Variants in RIPPLY2 observed in about 807,000 individuals in gnomAD.
The protein encoded by RIPPLY2 is ripply transcriptional repressor 2, also known as protein ripply2.
A neutral mutation model predicts 17.7 loss-of-function variants in RIPPLY2; 20 were observed. That is an observed-to-expected ratio of 1.13 (90% CI 0.79 to 1.64). The LOEUF is 1.64. Among genes scored for constraint, RIPPLY2 ranks in the 40% most tolerant of loss-of-function variants. The pLI, the probability that RIPPLY2 is intolerant of heterozygous loss-of-function variation, is 0.00. For missense variants in RIPPLY2, 213 were observed against 169.8 expected (o/e 1.25, Z -1.41); for synonymous variants, 69 against 63.9 (o/e 1.08, Z -0.38).
chr6:83,857,125 C>A, intron 3 of RIPPLY2, 117 bp from the exon 4 acceptor site: 1 of 582,328 alleles, frequency 1.7e-6, no homozygotes. Context: ...TATCTTAAGG[C>A]TATATCCAAA....
chr6:83,854,252 T>C, intron 3 of RIPPLY2, 91 bp downstream of exon 3: 1 of 1,008,868 alleles, frequency 9.9e-7, no homozygotes, highest in Non-Finnish European at 1.6e-6. Context: ...CAGCTGGTCC[T>C]GCAGTCTCTC....
At chr6:83,854,025 A>G (rs2129124822) in intron 2 of RIPPLY2, 72 bp from the exon 3 acceptor site, 2 of 1,407,242 alleles carry the variant, frequency 1.4e-6, no homozygotes, top group South Asian at 1.2e-5. Flanking sequence ...CACGAGGAAC[A>G]CTGGGTCGTG....
chr6:83,854,844 C>G (rs920926436), intron 3 of RIPPLY2: 1 of 152,294 alleles, frequency 6.6e-6, no homozygotes, highest in African/African-American at 2.4e-5. Context: ...ACATAGAAGT[C>G]ATTACATCTA....
chr6:83,853,865 A>G, intron 2 of RIPPLY2, 92 bp downstream of exon 2: 1 of 1,203,592 alleles, frequency 8.3e-7, no homozygotes, highest in Non-Finnish European at 1.2e-6. Flanking sequence ...GAGACATGCG[A>G]GACACCGGGT....
At chr6:83,853,948 C>G (rs2099454599) in intron 2 of RIPPLY2, 149 bp from the exon 3 acceptor site, 4 of 993,774 alleles carry the variant, frequency 4.0e-6, no homozygotes, top group Admixed American at 2.0e-5. Context: ...TCCTCTGGAG[C>G]GATGGGCCAC....
At position 83,857,286 on chromosome 6, in the gene RIPPLY2, A is replaced by G; in HGVS notation, c.284A>G (p.Glu95Gly). 1 of 1,553,420 alleles carries G rather than the reference A, an allele frequency of 6.4e-7. No individual in the cohort carries two copies. Among genetic ancestry groups the G allele is most frequent in the South Asian group, 1.2e-5 (1 of 80,528 alleles). ...AAATGTTATGATTACTTATATCAAG[A>G]AGCAGAAGCTCTTCTGAAAAATTTT... ...KSKCYDYLYQEAEALLKNFPI... is the reference protein window; with the variant it reads ...KSKCYDYLYQGAEALLKNFPI... The change falls in exon 4 of 4, where the codon GAA becomes GGA. Residue 95 changes from glutamate (E) to glycine (G), a missense_variant. By Grantham distance (98) the Glu-to-Gly change is moderately conservative (BLOSUM62 -2). Coordinates refer to ENST00000369689, the MANE Select transcript of RIPPLY2 (RefSeq NM_001009994.3).
chr6:83,854,874 C>T (rs561594653), intron 3 of RIPPLY2: 75 of 152,302 alleles, frequency 4.9e-4, no homozygotes, highest in Non-Finnish European at 3.7e-4. Context: ...CGTGTGCTAG[C>T]ACTGGTGAAG....
rs761994019 is a variant in RIPPLY2 at position 83,853,780 on chromosome 6, G to T, written c.174+7G>T. 1.2e-6 allele frequency: 2 copies of T among 1,610,448 alleles called. No individual in the cohort carries two copies. The highest frequency in any genetic ancestry group is 2.2e-5 in the South Asian group (2 of 90,650). Reference sequence around the variant, plus strand: ...GAACCACGCCGCGGAGGCGGTGAGTGAGCCACGCGTCTCAGGCCGCGCCTC... The same window carrying T: ...GAACCACGCCGCGGAGGCGGTGAGTTAGCCACGCGTCTCAGGCCGCGCCTC... On this transcript the variant is annotated splice_region_variant and intron_variant, in intron 2 of 3. Transcript: ENST00000369689.
rs187745020 is a variant in RIPPLY2 at position 83,854,083 on chromosome 6, C to G, written c.175-14C>G. The G allele has an allele frequency of 2.5e-6, 4 of 1,612,976 alleles. No homozygotes were observed. The highest frequency in any genetic ancestry group is 3.3e-5 in the Admixed American group (2 of 60,026). On this transcript the variant is annotated splice_polypyrimidine_tract_variant and intron_variant, in intron 2 of 3. Coordinates refer to ENST00000369689, the MANE Select transcript of RIPPLY2 (RefSeq NM_001009994.3). Reference sequence around the variant, plus strand: ...AGGTGGGTGATAACTGGATTCACTTCCTTTCCTCTCCAGATGCCCGATGGC... The same window carrying G: ...AGGTGGGTGATAACTGGATTCACTTGCTTTCCTCTCCAGATGCCCGATGGC...
rs1209764755 is a variant in RIPPLY2 at position 83,854,548 on chromosome 6, GA to G, written c.239+389del. 1.0e-4 allele frequency: 22 copies of G among 212,492 alleles called. No homozygotes were observed. In the Middle Eastern group the frequency reaches 5.9e-3, roughly 57 times the overall value. The allele number at this position is 212,492 out of a possible 1,614,324, so 13.2% of individuals were successfully genotyped here. On this transcript the variant is annotated intron_variant, in intron 3 of 3. Coordinates refer to ENST00000369689, the MANE Select transcript of RIPPLY2 (RefSeq NM_001009994.3). The stretch of plus-strand genomic sequence containing the variant: ...CTTTTGTCTTGCAATCTGGAAGGAA[GA>G]ATGGGATTAACAGTTACAGTCTTAC...
chr6:83,854,009 A>C (rs1041420510), intron 2 of RIPPLY2, 88 bp from the exon 3 acceptor site: 2 of 1,321,030 alleles, frequency 1.5e-6, no homozygotes, highest in Non-Finnish European at 2.2e-6. Context: ...TTACATTCCC[A>C]GCGGGCACGA....
Position 83,853,689 on chromosome 6 carries a change from C to A in RIPPLY2, c.96-6C>A. On this transcript the variant is annotated splice_region_variant and splice_polypyrimidine_tract_variant and intron_variant, in intron 1 of 3. Transcript: ENST00000369689. ...TCTGCGCGCCTTGTGCTCCCCTATC[C>A]CGCAGATACGCAGGCTTCTGGAGAC... 6.2e-7 allele frequency: 1 copy of A among 1,613,428 alleles called. No individual in the cohort carries two copies. The highest frequency in any genetic ancestry group is 8.5e-7 in the Non-Finnish European group (1 of 1,179,748).
chr6:83,854,697 G>A (rs2099454735), intron 3 of RIPPLY2: 1 of 154,024 alleles, frequency 6.5e-6, no homozygotes, highest in Non-Finnish European at 1.4e-5. Context: ...CTAGTCACAG[G>A]AAGTCAGCCT....
chr6:83,857,476 ATTTG>A lies in RIPPLY2; in HGVS notation c.*89_*92del. The A allele has an allele frequency of 1.1e-5, 8 of 751,626 alleles. No homozygotes were observed. The highest frequency in any genetic ancestry group is 1.5e-5 in the Non-Finnish European group (8 of 531,974). 46.6% of individuals were successfully genotyped at this position (751,626 alleles called of 1,614,324 possible). Reference sequence around the variant, plus strand: ...TATCATAATTATTTTAAACTAATTTATTTGTATATAAATTATTAATAAAATGAAA... The same window carrying A: ...TATCATAATTATTTTAAACTAATTTATATATAAATTATTAATAAAATGAAA... On this transcript the variant is annotated 3_prime_UTR_variant, in exon 4 of 4. Coordinates refer to ENST00000369689, the MANE Select transcript of RIPPLY2 (RefSeq NM_001009994.3).
At chr6:83,856,416 C>T (rs1013819855) in intron 3 of RIPPLY2, 1 of 152,176 alleles carries the variant, frequency 6.6e-6, no homozygotes, top group African/African-American at 2.4e-5. Context: ...GTTTACCCTG[C>T]ACTAAAATGA....
chr6:83,857,308 T>C lies in RIPPLY2; in HGVS notation c.306T>C (p.Asn102=). Residue 102 remains asparagine (N), a synonymous_variant, in exon 4 of 4, where the codon AAT becomes AAC. Coordinates refer to ENST00000369689, the MANE Select transcript of RIPPLY2 (RefSeq NM_001009994.3). ...LYQEAEALLK[N]FPIQATISFY... ...AAGAAGCAGAAGCTCTTCTGAAAAATTTTCCAATTCAAGCCACAATTTCAT... is the reference window on the plus strand; with the variant it reads ...AAGAAGCAGAAGCTCTTCTGAAAAACTTTCCAATTCAAGCCACAATTTCAT... 3 of 1,578,036 alleles carry C rather than the reference T, an allele frequency of 1.9e-6. No individual in the cohort carries two copies. The highest frequency in any genetic ancestry group is 2.6e-6 in the Non-Finnish European group (3 of 1,166,530).
chr6:83,857,057 T>C (rs1481734381), intron 3 of RIPPLY2, 185 bp from the exon 4 acceptor site: 3 of 352,064 alleles, frequency 8.5e-6, no homozygotes, highest in African/African-American at 2.1e-5. Context: ...CAAACAATTA[T>C]TGATACTTGG....
chr6:83,857,081 A>T, intron 3 of RIPPLY2, 161 bp from the exon 4 acceptor site: 1 of 410,044 alleles, frequency 2.4e-6, no homozygotes, highest in Non-Finnish European at 4.4e-6. Context: ...GGTAGATTCC[A>T]TGAAGGCTGT....
chr6:83,853,710 G>GCAGATACGCAGATACCCC lies in RIPPLY2; in HGVS notation c.111_112insCAGATACGCAGATACCCC (p.Trp37_Arg38insGlnIleArgArgTyrPro). 1 of 1,613,832 alleles carries GCAGATACGCAGATACCCC rather than the reference G, an allele frequency of 6.2e-7. No individual in the cohort carries two copies. The highest frequency in any genetic ancestry group is 1.1e-5 in the South Asian group (1 of 91,024). On this transcript the variant is annotated inframe_insertion, in exon 2 of 4. Coordinates refer to ENST00000369689, the MANE Select transcript of RIPPLY2 (RefSeq NM_001009994.3). ...TATCCCGCAGATACGCAGGCTTCTGGAGACCCTGGGTGGACGCCGGAGGCA... is the reference window on the plus strand; with the variant it reads ...TATCCCGCAGATACGCAGGCTTCTGGCAGATACGCAGATACCCCAGACCCTGGGTGGACGCCGGAGGCA...
Sources: gnomAD v4.1 joint callset for allele counts on GRCh38, gnomAD v4.1.1 for gene constraint, MANE v1.5 for transcripts, NCBI Gene and HGNC (gene_info 2026-07-23, HGNC 2026-07-21) for gene names.